The following PLPP4 variants were observed in gnomAD, a reference collection of about 807,000 sequenced individuals.
PLPP4 encodes diacylglycerol pyrophosphate like 2.
In PLPP4, 20 loss-of-function variants were observed where a neutral mutation model predicts 32.2. The ratio of observed to expected loss-of-function variants is 0.62; its 90% confidence interval spans 0.44 to 0.90. The LOEUF (loss-of-function observed/expected upper bound fraction) is 0.90, where lower values mean the gene tolerates loss of function less well. PLPP4 is among the 40% of genes least tolerant of loss of function. The pLI, the probability that PLPP4 is intolerant of heterozygous loss-of-function variation, is 0.00. For missense variants in PLPP4, 257 were observed against 353.1 expected (o/e 0.73, Z 2.18); for synonymous variants, 127 against 133.0 (o/e 0.95, Z 0.31).
chr10:120,530,456 T>C (rs1846651245), intron 5 of PLPP4, among the ~76,000 whole-genome samples: 1 of 152,252 alleles, frequency 6.6e-6, no homozygotes, highest in African/African-American at 2.4e-5. Context: ...TCAGTATGTC[T>C]TGAAATCCAT....
chr10:120,541,721 G>GT (rs983346135), intron 5 of PLPP4, among the ~76,000 whole-genome samples: 3 of 151,552 alleles, frequency 2.0e-5, no homozygotes, highest in African/African-American at 7.3e-5. Flanking sequence ...AAAATTGACT[G>GT]TTTCTCTGGT....
rs1306231604 is a variant in PLPP4, at chr10:120,575,316, A to G, written c.616+15A>G. On this transcript the variant is annotated intron_variant, in intron 6 of 6. Coordinates refer to ENST00000398250, the MANE Select transcript of PLPP4 (RefSeq NM_001030059.3). ...TCACTGGCAAGGTGAGTCCCTGCCCAGGGCCTGACTAGTCCTCACTGTGGT... is the reference window on the plus strand; with the variant it reads ...TCACTGGCAAGGTGAGTCCCTGCCCGGGGCCTGACTAGTCCTCACTGTGGT... The G allele has an allele frequency of 1.2e-6, 2 of 1,611,550 alleles. No individual in the cohort carries two copies. Among genetic ancestry groups the G allele is most frequent in the East Asian group, 2.2e-5 (1 of 44,820 alleles).
chr10:120,473,961 A>T (rs767581161), intron 1 of PLPP4, among the ~76,000 whole-genome samples: 9 of 152,152 alleles, frequency 5.9e-5, no homozygotes, highest in Non-Finnish European at 1.3e-4. Context: ...GAACGAACTG[A>T]TATAGAGGCT....
At chr10:120,514,596 C>A (rs775802105) in intron 3 of PLPP4, among the ~76,000 whole-genome samples, 4 of 152,126 alleles carry the variant, frequency 2.6e-5, no homozygotes, top group Non-Finnish European at 5.9e-5. Flanking sequence ...CTTCCCAAGA[C>A]GAGCCATGTC....
intron 2 of PLPP4, 100 bp from the exon 3 acceptor site, chr10:120,513,811 A>G (rs1031237307): frequency 7.8e-6 from 7 of 899,348 alleles, no homozygotes; most frequent in African/African-American, 3.3e-5. Flanking sequence ...AGATTATTCA[A>G]CCAGGGAGTC....
rs1849962195 is a variant in PLPP4 at position 120,590,536 on chromosome 10, G to A, written c.*1034G>A. On this transcript the variant is annotated 3_prime_UTR_variant, in exon 7 of 7. Coordinates refer to ENST00000398250, the MANE Select transcript of PLPP4 (RefSeq NM_001030059.3). ...GACTCTGGTAGAAGGTACAAGAACAGAATCAGGAATGTGCTGTGTCTCTCG... is the reference window on the plus strand; with the variant it reads ...GACTCTGGTAGAAGGTACAAGAACAAAATCAGGAATGTGCTGTGTCTCTCG... Among the ~76,000 whole-genome samples the A allele has an allele frequency of 6.6e-6, 1 of 152,222 alleles. No individual in the cohort carries two copies. The highest frequency in any genetic ancestry group is 2.4e-5 in the African/African-American group (1 of 41,446).
At chr10:120,580,789 T>C in intron 6 of PLPP4, 1 of 862,950 alleles carries the variant, frequency 1.2e-6, no homozygotes, top group Non-Finnish European at 1.6e-6. Flanking sequence ...AACAATATGA[T>C]TGTTTCTGCC....
At chr10:120,464,994 A>G (rs1156939309) in intron 1 of PLPP4, among the ~76,000 whole-genome samples, 1 of 152,228 alleles carries the variant, frequency 6.6e-6, no homozygotes, top group Non-Finnish European at 1.5e-5. Context: ...GTTTTCCCAC[A>G]GGGAGATAAA....
At chr10:120,478,500 A>G (rs751877098) in intron 1 of PLPP4, among the ~76,000 whole-genome samples, 1 of 152,252 alleles carries the variant, frequency 6.6e-6, no homozygotes, top group African/African-American at 2.4e-5. Context: ...GGCTTGATGT[A>G]GGAAACTTAT....
rs772606913 is a variant in PLPP4 at position 120,462,802 on chromosome 10, AT to A, written c.56+5442del. Among the ~76,000 whole-genome samples, 494 of 152,210 alleles carry A rather than the reference AT, an allele frequency of 3.2e-3. 4 individuals carry two copies. Among genetic ancestry groups the A allele is most frequent in the Non-Finnish European group, 4.8e-3 (325 of 68,000 alleles). On this transcript the variant is annotated intron_variant, in intron 1 of 6. Coordinates refer to ENST00000398250, the MANE Select transcript of PLPP4 (RefSeq NM_001030059.3). Reference sequence around the variant, plus strand: ...CATCCGCTGCCTTTGGGAAATACTTATGTGCAGTCTAGCGAATGGATGGCAG... The same window carrying A: ...CATCCGCTGCCTTTGGGAAATACTTAGTGCAGTCTAGCGAATGGATGGCAG...
chr10:120,569,549 T>A (rs979982855), intron 5 of PLPP4, among the ~76,000 whole-genome samples: 16 of 152,172 alleles, frequency 1.1e-4, no homozygotes, highest in African/African-American at 3.9e-4. Flanking sequence ...AGTTTTGGAG[T>A]TCCTTTTCCT....
At chr10:120,534,871 C>T (rs540791942) in intron 5 of PLPP4, among the ~76,000 whole-genome samples, 7 of 152,220 alleles carry the variant, frequency 4.6e-5, no homozygotes, top group East Asian at 1.9e-4. Flanking sequence ...CTTCCTGAGG[C>T]GTGCTTTCCT....
chr10:120,490,386 A>G (rs890423730), intron 1 of PLPP4, among the ~76,000 whole-genome samples: 2 of 152,242 alleles, frequency 1.3e-5, no homozygotes, highest in Non-Finnish European at 2.9e-5. Context: ...TGGGACAAAA[A>G]TGAGGGCTCC....
At chr10:120,561,852 C>T (rs961533656) in intron 5 of PLPP4, among the ~76,000 whole-genome samples, 1 of 152,212 alleles carries the variant, frequency 6.6e-6, no homozygotes, top group Non-Finnish European at 1.5e-5. Context: ...CCCATGACCA[C>T]ACCTGATTTC....
At chr10:120,545,887 A>T (rs1456588814) in intron 5 of PLPP4, among the ~76,000 whole-genome samples, 3 of 152,134 alleles carry the variant, frequency 2.0e-5, no homozygotes, top group Non-Finnish European at 1.5e-5. Flanking sequence ...GCACCATCTA[A>T]TCAGCTGCCA....
chr10:120,543,924 G>A (rs1847485048), intron 5 of PLPP4, among the ~76,000 whole-genome samples: 4 of 152,200 alleles, frequency 2.6e-5, no homozygotes, highest in Non-Finnish European at 5.9e-5. Flanking sequence ...ATGCATCCAT[G>A]TTGTAGCATA....
At chr10:120,558,821 A>G (rs1347873884) in intron 5 of PLPP4, among the ~76,000 whole-genome samples, 1 of 152,238 alleles carries the variant, frequency 6.6e-6, no homozygotes, top group Non-Finnish European at 1.5e-5. Flanking sequence ...CATCTCTAGT[A>G]TGGACCTATT....
chr10:120,545,805 G>A (rs577313587), intron 5 of PLPP4, among the ~76,000 whole-genome samples: 7 of 152,332 alleles, frequency 4.6e-5, no homozygotes, highest in Admixed American at 4.6e-4. Flanking sequence ...TTATCTGTGA[G>A]GGTGTTGCCC....
chr10:120,585,881 C>T (rs1023409697), intron 6 of PLPP4, among the ~76,000 whole-genome samples: 12 of 152,290 alleles, frequency 7.9e-5, no homozygotes, highest in African/African-American at 2.2e-4. Flanking sequence ...CCAATCCCCC[C>T]GCTACCCTGA....
Sources: allele counts gnomAD v4.1 joint callset (sites outside exome capture counted in the v4.1 genomes callset), GRCh38; gene constraint gnomAD v4.1.1; transcripts MANE v1.5; gene names NCBI Gene and HGNC (gene_info 2026-07-23, HGNC 2026-07-21).